The following GAB2 variants were observed in gnomAD, a reference collection of about 807,000 sequenced individuals.
GAB2 encodes the protein GRB2 associated binding protein 2.
GAB2 carries 26 observed loss-of-function variants against 65.5 expected under a neutral mutation model. The observed-to-expected ratio is 0.40, with a 90% CI of 0.29 to 0.55. GAB2 has a LOEUF of 0.55. Ranked by LOEUF, GAB2 falls within the 20% of genes least tolerant of loss-of-function variation. The pLI is 0.53. For missense variants in GAB2, 884 were observed against 875.8 expected, an observed-to-expected ratio of 1.01 and a Z score of -0.12; for synonymous variants, 321 against 329.6, an observed-to-expected ratio of 0.97 and a Z score of 0.28.
intron 1 of GAB2, among the ~76,000 whole-genome samples, chr11:78,288,203 A>C (rs1226783794): frequency 1.3e-5 from 2 of 151,392 alleles, no homozygotes; most frequent in Non-Finnish European, 2.9e-5. Context: ...AACATGGTGA[A>C]ATCCCATCTC....
chr11:78,409,885 C>A (rs1178825179), intron 1 of GAB2, among the ~76,000 whole-genome samples: 2 of 152,154 alleles, frequency 1.3e-5, no homozygotes, highest in East Asian at 3.9e-4. Context: ...TAAAATAAAC[C>A]TTGACAAGTT....
chr11:78,261,032 A>T (rs914866536), intron 2 of GAB2, among the ~76,000 whole-genome samples: 4 of 152,164 alleles, frequency 2.6e-5, no homozygotes, highest in African/African-American at 9.7e-5. Context: ...CAACACTGGA[A>T]GACGCTGTCT....
intron 1 of GAB2, among the ~76,000 whole-genome samples, chr11:78,405,939 C>T (rs1190930119): frequency 4.6e-5 from 7 of 152,326 alleles, no homozygotes; most frequent in African/African-American, 1.7e-4. Flanking sequence ...AACTGCTCTA[C>T]TCCAGCCAAA....
chr11:78,305,813 C>T (rs994158480), intron 1 of GAB2, among the ~76,000 whole-genome samples: 1 of 152,190 alleles, frequency 6.6e-6, no homozygotes, highest in East Asian at 1.9e-4. Context: ...CTCAGTTTCT[C>T]CCAAGACCTC....
chr11:78,229,556 G>C (rs1202214838), intron 3 of GAB2, among the ~76,000 whole-genome samples: 1 of 152,182 alleles, frequency 6.6e-6, no homozygotes, highest in East Asian at 1.9e-4. Context: ...ACTCAAGCCA[G>C]AAACCTGGGA....
chr11:78,350,536 G>A (rs1327149847), intron 1 of GAB2, among the ~76,000 whole-genome samples: 1 of 152,180 alleles, frequency 6.6e-6, no homozygotes, highest in African/African-American at 2.4e-5. Context: ...TCTGAAATCT[G>A]TTATAAAGCC....
chr11:78,302,176 C>G (rs541973999), intron 1 of GAB2, among the ~76,000 whole-genome samples: 179 of 152,144 alleles, frequency 1.2e-3, no homozygotes, highest in Non-Finnish European at 1.4e-3. Flanking sequence ...GTAATAAAAA[C>G]AAAGATAAAT....
intron 1 of GAB2, among the ~76,000 whole-genome samples, chr11:78,361,809 T>C (rs1161364878): frequency 6.6e-6 from 1 of 152,176 alleles, no homozygotes; most frequent in Non-Finnish European, 1.5e-5. Flanking sequence ...AAATTACATA[T>C]AATCTACCAA....
chr11:78,396,327 C>G (rs1856894274), intron 1 of GAB2, among the ~76,000 whole-genome samples: 1 of 152,216 alleles, frequency 6.6e-6, no homozygotes, highest in Non-Finnish European at 1.5e-5. Flanking sequence ...AGCAAAATAT[C>G]TACTGTTGTT....
rs758095203 is a variant in GAB2 at position 78,280,569 on chromosome 11, C to G, written c.376+32G>C. 5 of 1,564,086 alleles carry G rather than the reference C, an allele frequency of 3.2e-6. No individual in the cohort carries two copies. In the South Asian group the frequency reaches 3.5e-5, roughly 11 times the overall value. On this transcript the variant is annotated intron_variant, in intron 2 of 9. Coordinates refer to ENST00000361507, the MANE Select transcript of GAB2 (RefSeq NM_080491.3). ...GAATCCAAGGGCCTCACCTCAACCC[C>G]CTATGAGAAAGATCTGTGTGCGTTC...
intron 1 of GAB2, among the ~76,000 whole-genome samples, chr11:78,404,117 A>G (rs985180861): frequency 1.3e-5 from 2 of 152,240 alleles, no homozygotes; most frequent in African/African-American, 4.8e-5. Flanking sequence ...ATATATCCAA[A>G]AGAAAGGAAA....
intron 1 of GAB2, among the ~76,000 whole-genome samples, chr11:78,291,871 T>G (rs543438436): frequency 6.6e-6 from 1 of 152,144 alleles, no homozygotes; most frequent in East Asian, 1.9e-4. Flanking sequence ...GCCCCTTATG[T>G]ATTTTTTAAC....
At chr11:78,378,415 A>C (rs1856659273) in intron 1 of GAB2, among the ~76,000 whole-genome samples, 1 of 152,176 alleles carries the variant, frequency 6.6e-6, no homozygotes, top group Non-Finnish European at 1.5e-5. Context: ...GCTTAAATTT[A>C]CCTGAGTTGG....
At chr11:78,238,789 C>G (rs1486935970) in intron 3 of GAB2, among the ~76,000 whole-genome samples, 3 of 152,084 alleles carry the variant, frequency 2.0e-5, no homozygotes, top group African/African-American at 7.2e-5. Context: ...AGAAATTGAA[C>G]ATCAGAATTA....
intron 6 of GAB2, 120 bp downstream of exon 6, chr11:78,223,292 A>C: frequency 1.3e-6 from 1 of 763,086 alleles, no homozygotes; most frequent in South Asian, 2.8e-5. Flanking sequence ...TGAGACTCAG[A>C]TTTTACATGA....
At chr11:78,337,073 T>G (rs1346151925) in intron 1 of GAB2, among the ~76,000 whole-genome samples, 1 of 152,226 alleles carries the variant, frequency 6.6e-6, no homozygotes, top group African/African-American at 2.4e-5. Flanking sequence ...GGGAACAACA[T>G]TCAAAGAACC....
chr11:78,346,696 TATATATATATATATATATATATATA>T (rs1194088894), intron 1 of GAB2, among the ~76,000 whole-genome samples: 12 of 91,932 alleles, frequency 1.3e-4, no homozygotes, highest in South Asian at 1.1e-3. Flanking sequence ...TATATATATA[TATATATATATATATATATATATATA>T]ATTTTTTTTT....
chr11:78,221,567 C>T (rs950524188), intron 8 of GAB2, 110 bp downstream of exon 8: 2 of 587,346 alleles, frequency 3.4e-6, no homozygotes, highest in Admixed American at 2.8e-5. Context: ...ATGAATAATA[C>T]AAGGAGTCCC....
At chr11:78,282,075 T>G (rs1355527017) in intron 1 of GAB2, among the ~76,000 whole-genome samples, 1 of 152,216 alleles carries the variant, frequency 6.6e-6, no homozygotes, top group Non-Finnish European at 1.5e-5. Context: ...TCCTTAGTCC[T>G]TATGATAATG....
Sources: allele counts gnomAD v4.1 joint callset (sites outside exome capture counted in the v4.1 genomes callset), GRCh38; gene constraint gnomAD v4.1.1; transcripts MANE v1.5; gene names NCBI Gene and HGNC (gene_info 2026-07-23, HGNC 2026-07-21).